PSD3: variants seen among roughly 807,000 people sequenced by gnomAD.
The protein encoded by PSD3 is PH and SEC7 domain-containing protein 3.
A neutral mutation model predicts 105.5 loss-of-function variants in PSD3; 49 were observed. The observed-to-expected ratio is 0.46, with a 90% CI of 0.37 to 0.59. The LOEUF (loss-of-function observed/expected upper bound fraction) is 0.59, where lower values mean the gene tolerates loss of function less well. Among genes scored for constraint, PSD3 ranks in the 20% least tolerant of loss-of-function variants. PSD3 has a pLI of 0.00. For missense variants in PSD3, 1,561 were observed against 1,263.8 expected, an observed-to-expected ratio of 1.24 and a Z score of -3.57; for synonymous variants, 557 against 457.8, an observed-to-expected ratio of 1.22 and a Z score of -2.77.
intron 1 of PSD3, among the ~76,000 whole-genome samples, chr8:18,939,170 A>G (rs1268963279): frequency 6.6e-6 from 1 of 152,234 alleles, no homozygotes; most frequent in Non-Finnish European, 1.5e-5. Flanking sequence ...ACTGTTCTCT[A>G]AAGCAAGGTT....
At chr8:19,045,738 C>T (rs958797) in intron 1 of PSD3, among the ~76,000 whole-genome samples, 108,349 of 152,116 alleles carry the variant, frequency 0.71, 39,385 homozygotes, top group African/African-American at 0.87. Flanking sequence ...TAGCCAAAAA[C>T]CAGCTAGTGT....
At chr8:18,808,991 A>G (rs1811446306) in intron 4 of PSD3, 2 of 1,308,032 alleles carry the variant, frequency 1.5e-6, no homozygotes, top group Non-Finnish European at 2.0e-6. Flanking sequence ...TAATAAAAAC[A>G]GCAGCCAGAA....
chr8:18,926,727 G>C (rs79406986), intron 2 of PSD3, among the ~76,000 whole-genome samples: 5,867 of 152,226 alleles, frequency 0.039, 279 homozygotes, highest in East Asian at 0.17. Flanking sequence ...AAGGTGTGGA[G>C]ATTTTCTCCA....
At chr8:18,963,460 CTTTT>C (rs1054005581) in intron 1 of PSD3, among the ~76,000 whole-genome samples, 2 of 152,128 alleles carry the variant, frequency 1.3e-5, no homozygotes, top group Non-Finnish European at 2.9e-5. Flanking sequence ...AGCATTTTCT[CTTTT>C]TTTCTTATTT....
chr8:18,568,768 C>T (rs113150388), intron 14 of PSD3, among the ~76,000 whole-genome samples: 8,563 of 151,824 alleles, frequency 0.056, 350 homozygotes, highest in Middle Eastern at 0.13. Flanking sequence ...AGGTTAGTTA[C>T]ATACGTATAC....
rs1283363545 is a variant in PSD3, at chr8:18,533,684, T to C, written c.*2059A>G. Reference sequence around the variant, plus strand: ...AAGCTTGTAGATGACATGGTCTAGGTACCTCTCTCCCCTCGGCTTAGTATA... The same window carrying C: ...AAGCTTGTAGATGACATGGTCTAGGCACCTCTCTCCCCTCGGCTTAGTATA... On this transcript the variant is annotated 3_prime_UTR_variant, in exon 16 of 16. Transcript: ENST00000327040. 6.6e-6 allele frequency: 1 copy of C among 152,162 alleles called. No homozygotes were observed. The highest frequency in any genetic ancestry group is 2.4e-5 in the African/African-American group (1 of 41,440). The allele number at this position is 152,162 out of a possible 1,614,324, so 9.4% of individuals were successfully genotyped here.
At chr8:18,802,548 C>G (rs139237122) in intron 6 of PSD3, among the ~76,000 whole-genome samples, 2 of 152,186 alleles carry the variant, frequency 1.3e-5, no homozygotes, top group African/African-American at 4.8e-5. Flanking sequence ...CATCAGAATG[C>G]AAGGCAAAAA....
intron 9 of PSD3, among the ~76,000 whole-genome samples, chr8:18,685,726 C>T (rs1006472977): frequency 1.1e-4 from 17 of 152,064 alleles, no homozygotes; most frequent in Admixed American, 1.3e-4. Context: ...AAAATAAAAT[C>T]GATCATTTGG....
At position 19,019,617 on chromosome 8, in the gene PSD3, T is replaced by C. The variant is rs531474197; in HGVS notation, c.324+64589A>G. ...ATTGTATTCCTAGCTTCCAGAACTG[T>C]GCCTGGTCTGTAGTCGAGGCTCAAC... On this transcript the variant is annotated intron_variant, in intron 1 of 1. Transcript: ENST00000521475. Among the ~76,000 whole-genome samples, 37 of 151,972 alleles carry C rather than the reference T, an allele frequency of 2.4e-4. No individual in the cohort carries two copies. In the East Asian group the frequency reaches 7.1e-3, roughly 29 times the overall value.
intron 1 of PSD3, among the ~76,000 whole-genome samples, chr8:18,955,866 T>A (rs553227328): frequency 6.6e-6 from 1 of 152,082 alleles, no homozygotes. Flanking sequence ...CCTCCCGGGT[T>A]CAAGTGATTC....
At chr8:19,043,972 G>C (rs1399199025) in intron 1 of PSD3, among the ~76,000 whole-genome samples, 1 of 152,190 alleles carries the variant, frequency 6.6e-6, no homozygotes, top group South Asian at 2.1e-4. Context: ...CTGCTGAGCA[G>C]CAATCCCAGC....
At chr8:18,652,493 G>GTTTTTTTTTTGT (rs1808572763) in intron 10 of PSD3, among the ~76,000 whole-genome samples, 1 of 92,602 alleles carries the variant, frequency 1.1e-5, no homozygotes, top group South Asian at 4.5e-4. Context: ...AAAAAGCTTA[G>GTTTTTTTTTTGT]TTTTTTTTTT....
chr8:18,683,410 A>G (rs1800490905), intron 9 of PSD3, among the ~76,000 whole-genome samples: 1 of 152,232 alleles, frequency 6.6e-6, no homozygotes, highest in South Asian at 2.1e-4. Flanking sequence ...ATATCTCTGT[A>G]TTCCTGATGT....
At chr8:18,667,296 C>G (rs111847775) in intron 9 of PSD3, among the ~76,000 whole-genome samples, 6,784 of 152,166 alleles carry the variant, frequency 0.045, 221 homozygotes, top group Admixed American at 0.11. Flanking sequence ...AGACACAAAA[C>G]TTCTCCACCT....
At chr8:18,605,972 A>C (rs1804796721) in intron 11 of PSD3, among the ~76,000 whole-genome samples, 1 of 152,146 alleles carries the variant, frequency 6.6e-6, no homozygotes, top group Non-Finnish European at 1.5e-5. Context: ...TCTGTGAGCC[A>C]ATTAAACTAC....
chr8:18,908,792 G>T (rs1290835754), intron 2 of PSD3, among the ~76,000 whole-genome samples: 1 of 152,084 alleles, frequency 6.6e-6, no homozygotes, highest in Non-Finnish European at 1.5e-5. Context: ...TAGCAATATT[G>T]GGTACACAGC....
chr8:18,814,496 CTTAT>C (rs900445538), intron 4 of PSD3, among the ~76,000 whole-genome samples: 13 of 152,262 alleles, frequency 8.5e-5, no homozygotes, highest in South Asian at 6.2e-4. Flanking sequence ...GTTTTATTTA[CTTAT>C]TTATTTATTT....
At chr8:18,684,410 C>A (rs1210419901) in intron 9 of PSD3, among the ~76,000 whole-genome samples, 1 of 152,152 alleles carries the variant, frequency 6.6e-6, no homozygotes, top group Non-Finnish European at 1.5e-5. Flanking sequence ...CTCAAGTAAT[C>A]TCCAAGGCAC....
chr8:18,620,669 C>T (rs1405579985), intron 11 of PSD3, among the ~76,000 whole-genome samples: 1 of 152,112 alleles, frequency 6.6e-6, no homozygotes, highest in African/African-American at 2.4e-5. Flanking sequence ...CAGATCACAC[C>T]ACTGCACTAT....
Sources: allele counts gnomAD v4.1 joint callset (sites outside exome capture counted in the v4.1 genomes callset), GRCh38; gene constraint gnomAD v4.1.1; transcripts MANE v1.5; gene names NCBI Gene and HGNC (gene_info 2026-07-23, HGNC 2026-07-21).